The following MYO16 variants were observed in gnomAD, a reference collection of about 807,000 sequenced individuals.
The protein encoded by MYO16 is unconventional myosin-XVI.
A neutral mutation model predicts 205.3 loss-of-function variants in MYO16; 94 were observed. The ratio of observed to expected loss-of-function variants is 0.46; its 90% confidence interval spans 0.39 to 0.54. The LOEUF (loss-of-function observed/expected upper bound fraction) is 0.54, where lower values mean the gene tolerates loss of function less well. MYO16 is among the 20% of genes least tolerant of loss of function. The probability of loss-of-function intolerance (pLI) is 0.00; values close to 1 mark genes in which losing one functional copy is unlikely to be tolerated. For missense variants in MYO16, 2,315 were observed against 2,387.5 expected (o/e 0.97, Z 0.63); for synonymous variants, 988 against 954.0 (o/e 1.04, Z -0.66).
intron 16 of MYO16, among the ~76,000 whole-genome samples, chr13:108,943,818 C>A (rs1036380776): frequency 6.6e-6 from 1 of 152,118 alleles, no homozygotes; most frequent in Non-Finnish European, 1.5e-5. Flanking sequence ...ATCTCCTGAC[C>A]TCGTGATCCG....
chr13:108,675,635 G>C (rs1428895783), intron 2 of MYO16, among the ~76,000 whole-genome samples: 4 of 152,196 alleles, frequency 2.6e-5, no homozygotes, highest in African/African-American at 9.6e-5. Flanking sequence ...GGCATTCACT[G>C]GGGTGAGGTA....
intron 1 of MYO16, among the ~76,000 whole-genome samples, chr13:108,613,977 C>T (rs1879262353): frequency 6.6e-6 from 1 of 151,972 alleles, no homozygotes; most frequent in African/African-American, 2.4e-5. Context: ...AATGTTCTAG[C>T]CAGGGCACTT....
intron 34 of MYO16, among the ~76,000 whole-genome samples, chr13:109,183,500 T>C (rs991787510): frequency 2.0e-5 from 3 of 152,242 alleles, no homozygotes; most frequent in East Asian, 1.9e-4. Flanking sequence ...CACTTGACAT[T>C]GAGAAATGAG....
chr13:109,194,467 G>A (rs1880061222), intron 34 of MYO16, among the ~76,000 whole-genome samples: 1 of 152,170 alleles, frequency 6.6e-6, no homozygotes, highest in African/African-American at 2.4e-5. Flanking sequence ...TGTGAGTGTC[G>A]ACTAGAGTAC....
At chr13:109,022,813 T>TA (rs1385027653) in intron 23 of MYO16, among the ~76,000 whole-genome samples, 1 of 135,342 alleles carries the variant, frequency 7.4e-6, no homozygotes, top group Non-Finnish European at 1.5e-5. Flanking sequence ...TATATTTATA[T>TA]ATTATACTCA....
At chr13:108,499,378 A>T in the MYO16 span, among the ~76,000 whole-genome samples, 7 of 152,242 alleles carry the variant, frequency 4.6e-5, no homozygotes, top group Non-Finnish European at 8.8e-5. Context: ...TAAGAAGTAG[A>T]TTCCCTGGCC....
At chr13:108,851,912 C>T (rs1370301871) in intron 10 of MYO16, among the ~76,000 whole-genome samples, 4 of 152,030 alleles carry the variant, frequency 2.6e-5, no homozygotes, top group Non-Finnish European at 5.9e-5. Flanking sequence ...GCTTTTCCAG[C>T]TCCTTCAATA....
At chr13:108,571,709 A>G in the MYO16 span, among the ~76,000 whole-genome samples, 1 of 150,882 alleles carries the variant, frequency 6.6e-6, no homozygotes, top group African/African-American at 2.4e-5. Context: ...CCTTGCATAT[A>G]TGTGTGTGTG....
the MYO16 span, among the ~76,000 whole-genome samples, chr13:108,533,847 C>T: frequency 2.0e-5 from 3 of 152,192 alleles, no homozygotes; most frequent in Admixed American, 1.3e-4. Context: ...GTGATTTCAT[C>T]TGCATATATT....
intron 1 of MYO16, among the ~76,000 whole-genome samples, chr13:108,639,325 T>A (rs186319192): frequency 1.3e-5 from 2 of 152,238 alleles, no homozygotes; most frequent in Admixed American, 1.3e-4. Context: ...TAGTGAAAAA[T>A]TCTGTGTTGC....
intron 4 of MYO16, among the ~76,000 whole-genome samples, chr13:108,730,814 C>A (rs1158379318): frequency 6.6e-6 from 1 of 152,196 alleles, no homozygotes; most frequent in Non-Finnish European, 1.5e-5. Context: ...TTGTCAGACT[C>A]AGCGCTAAGT....
chr13:108,754,045 T>A (rs1385598452), intron 4 of MYO16, among the ~76,000 whole-genome samples: 3 of 152,248 alleles, frequency 2.0e-5, no homozygotes, highest in Non-Finnish European at 4.4e-5. Flanking sequence ...CTAGTAGAAA[T>A]GTTGCTGTCA....
Position 109,003,363 on chromosome 13 carries a change from C to T in MYO16, c.2443-5534C>T, listed in dbSNP as rs147472749. ...AGAACATGATGTTCAATAAAAGGTTCAGGTGTATTGCAAAGATCACCCTAT... is the reference window on the plus strand; with the variant it reads ...AGAACATGATGTTCAATAAAAGGTTTAGGTGTATTGCAAAGATCACCCTAT... On this transcript the variant is annotated intron_variant, in intron 21 of 34. Transcript: ENST00000457511. 9.9e-4 allele frequency among the ~76,000 whole-genome samples: 151 copies of T among 152,232 alleles called. 3 individuals are homozygous for T. The highest frequency in any genetic ancestry group is 3.3e-3 in the African/African-American group (138 of 41,544).
intron 2 of MYO16, among the ~76,000 whole-genome samples, chr13:108,683,368 C>T (rs1354807173): frequency 6.6e-6 from 1 of 152,022 alleles, no homozygotes; most frequent in Non-Finnish European, 1.5e-5. Flanking sequence ...CTATAGTAGC[C>T]TTTGACGACA....
At chr13:108,759,648 C>T (rs756550198) in intron 4 of MYO16, among the ~76,000 whole-genome samples, 3 of 151,804 alleles carry the variant, frequency 2.0e-5, no homozygotes, top group Non-Finnish European at 1.5e-5. Flanking sequence ...GGTGAAACCC[C>T]GTCTCTACTA....
chr13:108,783,731 A>G (rs2138917835), intron 4 of MYO16, among the ~76,000 whole-genome samples: 1 of 152,268 alleles, frequency 6.6e-6, no homozygotes, highest in African/African-American at 2.4e-5. Flanking sequence ...GTGATAGTGA[A>G]TAAGTCTCAT....
At chr13:108,740,064 C>A (rs891544139) in intron 4 of MYO16, among the ~76,000 whole-genome samples, 1 of 152,244 alleles carries the variant, frequency 6.6e-6, no homozygotes, top group South Asian at 2.1e-4. Flanking sequence ...TTTTTAGCTT[C>A]TTTGTGATGG....
Position 108,670,888 on chromosome 13 carries a change from T to TA in MYO16, c.292+4743dup, listed in dbSNP as rs575637454. ...AGGCAGTCAATATTTGTTACATAAT[T>TA]AAAATCTGTTGATAACCACAGACGC... On this transcript the variant is annotated intron_variant, in intron 2 of 34. Transcript: ENST00000457511. Among the ~76,000 whole-genome samples, 191 of 152,320 alleles carry TA rather than the reference T, an allele frequency of 1.3e-3. 1 individual carries two copies. Among genetic ancestry groups the TA allele is most frequent in the Admixed American group, 2.9e-3 (45 of 15,290 alleles).
chr13:109,048,445 T>G (rs186183469), intron 24 of MYO16: 22 of 612,860 alleles, frequency 3.6e-5, no homozygotes, highest in Admixed American at 3.4e-4. Context: ...AATAAATATT[T>G]TAGACCTTGT....
Sources: gnomAD v4.1 joint callset for allele counts (sites outside exome capture counted in the v4.1 genomes callset) on GRCh38, gnomAD v4.1.1 for gene constraint, MANE v1.5 for transcripts, NCBI Gene and HGNC (gene_info 2026-07-23, HGNC 2026-07-21) for gene names.